Variants in ST8SIA5 observed in about 807,000 individuals in gnomAD.
ST8SIA5 encodes alpha-2,8-sialyltransferase 8E.
ST8SIA5 carries 24 observed loss-of-function variants against 40.2 expected under a neutral mutation model. The ratio of observed to expected loss-of-function variants is 0.60; its 90% CI spans 0.43 to 0.84. The LOEUF (loss-of-function observed/expected upper bound fraction) is 0.84. Among genes scored for constraint, ST8SIA5 ranks in the 40% least tolerant of loss-of-function variants. The pLI is 0.00. For missense variants in ST8SIA5, 465 were observed against 498.5 expected (o/e 0.93, Z 0.64); for synonymous variants, 198 against 201.8 (o/e 0.98, Z 0.16).
chr18:46,686,352 C>T, intron 4 of ST8SIA5, 66 bp from the exon 5 acceptor site: 1 of 1,339,460 alleles, frequency 7.5e-7, no homozygotes, highest in Non-Finnish European at 1.1e-6. Flanking sequence ...CTACTCTCAC[C>T]TCTGCAAGCA....
intron 2 of ST8SIA5, among the ~76,000 whole-genome samples, 154 bp from the exon 3 acceptor site, chr18:46,692,409 CTT>C (rs370306455): frequency 2.1e-5 from 3 of 145,314 alleles, no homozygotes; most frequent in African/African-American, 2.5e-5. Context: ...TTCTTTGTTT[CTT>C]TTTTTTTTTT....
At position 46,756,437 on chromosome 18, in the gene ST8SIA5, G is replaced by A. The variant is rs748453874; in HGVS notation, c.72C>T (p.Cys24=). ...GCAGCAAGGTCACCAAGGCAAAGGC[G>A]CAGATGAAGATGAAGAGCAAAGTTC... ...GSRTLLFIFI[C]AFALVTLLQQ... The change falls in exon 1 of 7, where the codon TGC becomes TGT. Residue 24 remains cysteine (C), a synonymous_variant. Coordinates refer to ENST00000315087, the MANE Select transcript of ST8SIA5 (RefSeq NM_013305.6). 7.8e-5 allele frequency: 126 copies of A among 1,613,220 alleles called. No homozygotes were observed. The highest frequency in any genetic ancestry group is 1.0e-4 in the Non-Finnish European group (123 of 1,179,406).
chr18:46,737,086 G>A (rs12455461), intron 1 of ST8SIA5, among the ~76,000 whole-genome samples: 37,224 of 152,134 alleles, frequency 0.24, 5,003 homozygotes, highest in East Asian at 0.45. Context: ...CAGACAGGCC[G>A]TCAGTCAGCT....
intron 1 of ST8SIA5, among the ~76,000 whole-genome samples, chr18:46,710,240 G>A (rs2039709303): frequency 6.7e-6 from 1 of 148,450 alleles, no homozygotes; most frequent in Admixed American, 6.8e-5. Context: ...AAATGCAGAA[G>A]GCCAGAAAGA....
intron 1 of ST8SIA5, among the ~76,000 whole-genome samples, chr18:46,720,642 A>G (rs1248582434): frequency 1.3e-5 from 2 of 152,096 alleles, no homozygotes; most frequent in African/African-American, 2.4e-5. Flanking sequence ...TTAAAAATAC[A>G]AAAATTAAGA....
Position 46,679,514 on chromosome 18 carries a change from C to T in ST8SIA5, c.*528G>A, listed in dbSNP as rs1045679925. On this transcript the variant is annotated 3_prime_UTR_variant, in exon 7 of 7. Coordinates refer to ENST00000315087, the MANE Select transcript of ST8SIA5 (RefSeq NM_013305.6). The stretch of plus-strand genomic sequence containing the variant: ...CTGGAAGGTCTAGTCACTGGGTTGG[C>T]TTCTAAGCTCTGAGATTTAGATAGC... 10 of 160,690 alleles carry T rather than the reference C, an allele frequency of 6.2e-5. No homozygotes were observed. Among genetic ancestry groups the T allele is most frequent in the African/African-American group, 2.4e-4 (10 of 41,522 alleles). The allele number at this position is 160,690 out of a possible 1,614,324, so 10.0% of individuals were successfully genotyped here. A position where few individuals can be genotyped will look rare whatever the true frequency, so the allele number is the denominator to read the frequency against.
intron 1 of ST8SIA5, among the ~76,000 whole-genome samples, chr18:46,731,243 T>C (rs2039982195): frequency 6.6e-6 from 1 of 152,226 alleles, no homozygotes; most frequent in Non-Finnish European, 1.5e-5. Context: ...AACATTTTAT[T>C]TCTCTACCAA....
chr18:46,730,310 T>C, intron 1 of ST8SIA5: 1 of 949,618 alleles, frequency 1.1e-6, no homozygotes, highest in Non-Finnish European at 1.3e-6. Flanking sequence ...AGTCTCAGTT[T>C]TCTCATCCGT....
intron 1 of ST8SIA5, among the ~76,000 whole-genome samples, chr18:46,720,453 G>A (rs1399443739): frequency 6.6e-6 from 1 of 152,124 alleles, no homozygotes; most frequent in African/African-American, 2.4e-5. Flanking sequence ...TGCTTGACTG[G>A]TTTCTGACAT....
chr18:46,714,424 G>A (rs1362128362), intron 1 of ST8SIA5, among the ~76,000 whole-genome samples: 1 of 152,190 alleles, frequency 6.6e-6, no homozygotes, highest in African/African-American at 2.4e-5. Flanking sequence ...GGTCTACAAG[G>A]GAGGAAGCAC....
intron 6 of ST8SIA5, 140 bp from the exon 7 acceptor site, chr18:46,680,650 C>T: frequency 1.2e-6 from 1 of 851,118 alleles, no homozygotes; most frequent in Non-Finnish European, 1.8e-6. Context: ...CCTCACGCAC[C>T]TGTGCAGATG....
At chr18:46,697,697 C>A (rs2039570128) in intron 2 of ST8SIA5, among the ~76,000 whole-genome samples, 1 of 152,116 alleles carries the variant, frequency 6.6e-6, no homozygotes, top group South Asian at 2.1e-4. Flanking sequence ...CAGAGCAAGA[C>A]CTTGTCTCAA....
In ST8SIA5 at chr18:46,668,542, C is replaced by T. The variant is rs1422771762; in HGVS notation, c.*11500G>A. 2 of 152,548 alleles carry T rather than the reference C, an allele frequency of 1.3e-5. No homozygotes were observed. Among genetic ancestry groups the T allele is most frequent in the Admixed American group, 6.5e-5 (1 of 15,290 alleles). 9.4% of individuals were successfully genotyped at this position (152,548 alleles called of 1,614,324 possible). On this transcript the variant is annotated 3_prime_UTR_variant, in exon 7 of 7. Transcript: ENST00000315087. ...GAGGGAAGTGGCGGGGGATTGGTTCCAAACTGTACCATTGAACAATCCATT... is the reference window on the plus strand; with the variant it reads ...GAGGGAAGTGGCGGGGGATTGGTTCTAAACTGTACCATTGAACAATCCATT...
chr18:46,714,316 C>A (rs1320494198), intron 1 of ST8SIA5, among the ~76,000 whole-genome samples: 2 of 152,300 alleles, frequency 1.3e-5, no homozygotes, highest in East Asian at 3.9e-4. Context: ...GTCCTTCCAG[C>A]CCGACTCCAA....
chr18:46,753,736 T>TGGCCTCTTC (rs1273154546), intron 1 of ST8SIA5, among the ~76,000 whole-genome samples: 1 of 152,180 alleles, frequency 6.6e-6, no homozygotes, highest in African/African-American at 2.4e-5. Flanking sequence ...ACAACCTCTT[T>TGGCCTCTTC]GGCCTCTTCC....
chr18:46,725,125 G>A (rs2039903756), intron 1 of ST8SIA5, among the ~76,000 whole-genome samples: 1 of 152,146 alleles, frequency 6.6e-6, no homozygotes, highest in Non-Finnish European at 1.5e-5. Context: ...GCAGCTTAGA[G>A]AGGTTTAGTA....
chr18:46,704,310 G>T (rs1040437259), intron 2 of ST8SIA5, among the ~76,000 whole-genome samples: 2 of 152,136 alleles, frequency 1.3e-5, no homozygotes, highest in African/African-American at 2.4e-5. Flanking sequence ...AGTAATTGAG[G>T]CGGGGACTTT....
At chr18:46,739,272 T>C (rs2040065479) in intron 1 of ST8SIA5, among the ~76,000 whole-genome samples, 1 of 152,206 alleles carries the variant, frequency 6.6e-6, no homozygotes, top group Non-Finnish European at 1.5e-5. Context: ...CCGGGTGTGG[T>C]GGCTCATGCC....
At chr18:46,701,269 T>C (rs1270360584) in intron 2 of ST8SIA5, among the ~76,000 whole-genome samples, 1 of 150,386 alleles carries the variant, frequency 6.6e-6, no homozygotes, top group African/African-American at 2.5e-5. Context: ...GCCTCCCGAG[T>C]AGCTGGGATT....
Sources: gnomAD v4.1 joint callset for allele counts (sites outside exome capture counted in the v4.1 genomes callset) on GRCh38, gnomAD v4.1.1 for gene constraint, MANE v1.5 for transcripts, NCBI Gene and HGNC (gene_info 2026-07-23, HGNC 2026-07-21) for gene names.